Variants in TCF4 observed in about 807,000 individuals in gnomAD.
TCF4 encodes SL3-3 enhancer factor 2.
TCF4 carries 3 observed loss-of-function variants against 82.1 expected under a neutral mutation model. The observed-to-expected ratio is 0.04, with a 90% CI of 0.02 to 0.09. The LOEUF (loss-of-function observed/expected upper bound fraction) is 0.09, where lower values mean the gene tolerates loss of function less well. Among genes scored for constraint, TCF4 ranks in the 10% least tolerant of loss-of-function variants. The pLI is 1.00. For synonymous variants in TCF4, 276 were observed against 309.6 expected, an observed-to-expected ratio of 0.89 and a Z score of 1.14; for missense variants, 518 against 852.7, an observed-to-expected ratio of 0.61 and a Z score of 4.89.
At chr18:55,384,912 T>C (rs2092444013) in intron 6 of TCF4, among the ~76,000 whole-genome samples, 1 of 152,096 alleles carries the variant, frequency 6.6e-6, no homozygotes, top group South Asian at 2.1e-4. Flanking sequence ...AATCTTCAGC[T>C]CAAATATACC....
chr18:55,365,680 A>G (rs2086826817), intron 6 of TCF4, among the ~76,000 whole-genome samples: 1 of 152,112 alleles, frequency 6.6e-6, no homozygotes, highest in Non-Finnish European at 1.5e-5. Context: ...TGAGTGGACC[A>G]CCTGAGGTCA....
chr18:55,324,727 T>C (rs1019028711), intron 8 of TCF4, among the ~76,000 whole-genome samples: 5 of 152,034 alleles, frequency 3.3e-5, no homozygotes, highest in African/African-American at 1.2e-4. Flanking sequence ...TGATGGGGAA[T>C]GATGGTTAGC....
Position 55,232,656 on chromosome 18 carries a change from A to G in TCF4, c.1502T>C (p.Leu501Pro). The change falls in exon 17 of 20, where the codon CTA becomes CCA. Residue 501 changes from leucine to proline, a missense_variant. Leu to Pro is a moderately conservative substitution (Grantham distance 98). This residue lies in a region of TCF4 where 144 missense variants were observed against 190.2 expected (regional missense o/e 0.76). Transcript: ENST00000354452. ...QDPYRGMPPG[L>P]QGQSVSSGSS... Reference sequence around the variant, plus strand: ...GCCAGAGGAGACACTCTGCCCCTGTAGTCCTGGTGGCATGCCTGCCGAAAA... The same window carrying G: ...GCCAGAGGAGACACTCTGCCCCTGTGGTCCTGGTGGCATGCCTGCCGAAAA... 1 of 1,614,126 alleles carries G rather than the reference A, an allele frequency of 6.2e-7. No individual in the cohort carries two copies. Among genetic ancestry groups the G allele is most frequent in the Non-Finnish European group, 8.5e-7 (1 of 1,180,014 alleles).
intron 2 of TCF4, among the ~76,000 whole-genome samples, chr18:55,603,528 T>C (rs947560042): frequency 1.3e-5 from 2 of 152,238 alleles, no homozygotes; most frequent in Non-Finnish European, 2.9e-5. Flanking sequence ...ATCTGAAATA[T>C]AGAATTGTCA....
intron 3 of TCF4, among the ~76,000 whole-genome samples, chr18:55,475,654 C>A (rs931809338): frequency 2.0e-5 from 3 of 152,188 alleles, no homozygotes; most frequent in Non-Finnish European, 4.4e-5. Flanking sequence ...CAAGCGATAA[C>A]CCATCACAGC....
At position 55,269,921 on chromosome 18, in the gene TCF4, G is replaced by T; in HGVS notation, c.832C>A (p.Pro278Thr). Residue 278 changes from proline (P) to threonine (T), a missense_variant, in exon 11 of 20, where the codon CCT (proline) becomes ACT (threonine). Transcript: ENST00000354452. The part of the protein sequence containing the change: ...HSSADINSSL[P>T]PMSTFHRSGT... ...CTACGATGGAAAGTGGACATCGGAG[G>T]AAGACTGGAATTGATGTCTGCTGAG... 1.2e-6 allele frequency: 2 copies of T among 1,613,358 alleles called. No homozygotes were observed. Among genetic ancestry groups the T allele is most frequent in the Non-Finnish European group, 1.7e-6 (2 of 1,179,494 alleles).
intron 8 of TCF4, among the ~76,000 whole-genome samples, chr18:55,305,002 G>A (rs974619551): frequency 3.3e-5 from 5 of 152,142 alleles, no homozygotes; most frequent in Admixed American, 1.3e-4. Context: ...TTCAGGTGAC[G>A]GGACACAATA....
At chr18:55,350,790 G>A (rs899773577) in intron 7 of TCF4, 84 bp downstream of exon 7, 288 of 1,583,484 alleles carry the variant, frequency 1.8e-4, no homozygotes, top group Admixed American at 2.7e-4. Flanking sequence ...GAGGTAGGAT[G>A]GGGGGGCGAT....
intron 3 of TCF4, among the ~76,000 whole-genome samples, chr18:55,569,049 T>TA (rs2097435228): frequency 6.6e-6 from 1 of 152,156 alleles, no homozygotes; most frequent in African/African-American, 2.4e-5. Flanking sequence ...CTGTTCATGA[T>TA]AAAAACTCTT....
intron 6 of TCF4, among the ~76,000 whole-genome samples, chr18:55,352,322 AC>A (rs1175728195): frequency 6.6e-6 from 1 of 151,822 alleles, no homozygotes; most frequent in Non-Finnish European, 1.5e-5. Context: ...AAAAATTCAA[AC>A]CTCCCCTTTC....
chr18:55,435,387 G>C (rs1197250781), intron 5 of TCF4, among the ~76,000 whole-genome samples: 1 of 152,106 alleles, frequency 6.6e-6, no homozygotes, highest in Non-Finnish European at 1.5e-5. Context: ...TAACCATTTG[G>C]ACTACACATA....
At chr18:55,384,032 A>G (rs1239520195) in intron 6 of TCF4, 2 of 152,218 alleles carry the variant, frequency 1.3e-5, no homozygotes, top group Non-Finnish European at 2.9e-5. Context: ...GTCTTCCTCT[A>G]CTAAGAAAGA....
chr18:55,548,150 G>A (rs2097222469), intron 3 of TCF4, among the ~76,000 whole-genome samples: 1 of 152,214 alleles, frequency 6.6e-6, no homozygotes, highest in African/African-American at 2.4e-5. Flanking sequence ...GAAATGATTT[G>A]CTGGGCATAT....
At chr18:55,590,815 T>C (rs1315213063), upstream of TCF4, among the ~76,000 whole-genome samples, 1 of 152,238 alleles carries the variant, frequency 6.6e-6, no homozygotes, top group African/African-American at 2.4e-5. Flanking sequence ...ACTTTAAGCC[T>C]AAGAATAACC....
chr18:55,355,633 C>T (rs2083326047), intron 6 of TCF4, among the ~76,000 whole-genome samples: 1 of 152,176 alleles, frequency 6.6e-6, no homozygotes, highest in African/African-American at 2.4e-5. Context: ...GGACAGTCTT[C>T]TTTCCTGATT....
chr18:55,486,918 A>T (rs1270783508), intron 3 of TCF4, among the ~76,000 whole-genome samples: 3 of 152,032 alleles, frequency 2.0e-5, no homozygotes. Context: ...TTTAACTAGC[A>T]CGTCTCATAA....
intron 3 of TCF4, among the ~76,000 whole-genome samples, chr18:55,471,467 G>C (rs573917786): frequency 5.3e-5 from 8 of 152,174 alleles, no homozygotes; most frequent in Non-Finnish European, 1.0e-4. Flanking sequence ...TTGGGAAGCC[G>C]AGGCAGGTGG....
At chr18:55,309,781 T>C (rs2071686277) in intron 8 of TCF4, among the ~76,000 whole-genome samples, 1 of 152,198 alleles carries the variant, frequency 6.6e-6, no homozygotes, top group Non-Finnish European at 1.5e-5. Flanking sequence ...CAAGTTATTG[T>C]TCTACAATTA....
intron 3 of TCF4, among the ~76,000 whole-genome samples, chr18:55,562,419 A>C (rs2097362978): frequency 6.6e-6 from 1 of 152,258 alleles, no homozygotes; most frequent in African/African-American, 2.4e-5. Context: ...GCTTTATAAA[A>C]TCAAACCACG....
Sources: gnomAD v4.1 joint callset for allele counts (sites outside exome capture counted in the v4.1 genomes callset) on GRCh38, gnomAD v4.1.1 for gene constraint, gnomAD v4.1.1 regional missense constraint, MANE v1.5 for transcripts, NCBI Gene and HGNC (gene_info 2026-07-23, HGNC 2026-07-21) for gene names.